The following TANC2 variants were observed in gnomAD, a reference collection of about 807,000 sequenced individuals.
TANC2 encodes tetratricopeptide repeat, ankyrin repeat and coiled-coil containing 2.
In TANC2, 26 loss-of-function variants were observed where a neutral mutation model predicts 210.5. That is an observed-to-expected ratio of 0.12 (90% CI 0.09 to 0.17). The LOEUF is 0.17. TANC2 is among the 10% of genes least tolerant of loss of function. The pLI is 1.00. For synonymous variants in TANC2, 931 were observed against 967.1 expected (o/e 0.96, Z 0.69); for missense variants, 2,129 against 2,608.9 (o/e 0.82, Z 4.01).
intron 8 of TANC2, among the ~76,000 whole-genome samples, chr17:63,238,359 A>G (rs1425877541): frequency 6.6e-6 from 1 of 152,208 alleles, no homozygotes; most frequent in African/African-American, 2.4e-5. Flanking sequence ...TCAAACAACT[A>G]AAAGTCTTTT....
intron 1 of TANC2, among the ~76,000 whole-genome samples, chr17:63,000,968 CA>C (rs3060700): frequency 0.063 from 7,731 of 121,846 alleles, 201 homozygotes; most frequent in Admixed American, 0.12. Context: ...TTAGAACTAG[CA>C]AAAAAAAAAA....
At chr17:63,065,175 A>AT (rs1412085111) in intron 2 of TANC2, among the ~76,000 whole-genome samples, 1 of 152,210 alleles carries the variant, frequency 6.6e-6, no homozygotes, top group Non-Finnish European at 1.5e-5. Flanking sequence ...CTTAGTTTAC[A>AT]TAGCATGATG....
chr17:63,413,032 A>G (rs2048751867), intron 24 of TANC2: 6 of 328,798 alleles, frequency 1.8e-5, no homozygotes, highest in Admixed American at 1.4e-4. Context: ...CTCCTGCTTC[A>G]AAGTGAATCC....
chr17:63,090,215 G>T (rs201915057), intron 3 of TANC2, among the ~76,000 whole-genome samples: 6 of 140,636 alleles, frequency 4.3e-5, no homozygotes, highest in South Asian at 2.2e-4. Context: ...TTTTTTTTGA[G>T]TTTTTTTTTT....
At chr17:63,207,028 A>G (rs1397345265) in intron 7 of TANC2, among the ~76,000 whole-genome samples, 1 of 151,956 alleles carries the variant, frequency 6.6e-6, no homozygotes, top group Admixed American at 6.6e-5. Context: ...CTTCTTCTGT[A>G]TCTCTTCCCA....
At chr17:63,313,740 C>G (rs1351273601) in intron 9 of TANC2, among the ~76,000 whole-genome samples, 1 of 152,066 alleles carries the variant, frequency 6.6e-6, no homozygotes, top group Non-Finnish European at 1.5e-5. Context: ...AATAATAATA[C>G]CTACTAGATT....
At chr17:63,191,938 G>A (rs1389602841) in intron 5 of TANC2, among the ~76,000 whole-genome samples, 1 of 152,158 alleles carries the variant, frequency 6.6e-6, no homozygotes, top group African/African-American at 2.4e-5. Context: ...TTCAGGAAGA[G>A]GAGACAGAGG....
At chr17:63,053,007 G>A (rs2035636930) in intron 2 of TANC2, among the ~76,000 whole-genome samples, 1 of 152,202 alleles carries the variant, frequency 6.6e-6, no homozygotes, top group South Asian at 2.1e-4. Flanking sequence ...TCGCAAGAGT[G>A]TGCTGACCTC....
rs550865270 is a variant in TANC2 at position 62,994,237 on chromosome 17, A to G, written c.-23-15300A>G. Among the ~76,000 whole-genome samples, 442 of 151,418 alleles carry G rather than the reference A, an allele frequency of 2.9e-3. 1 individual carries two copies. Among genetic ancestry groups the G allele is most frequent in the Non-Finnish European group, 5.0e-3 (339 of 67,876 alleles). On this transcript the variant is annotated intron_variant, in intron 1 of 27. Transcript: ENST00000689528. Reference sequence around the variant, plus strand: ...CACCCAGGCTGGAGTGCAGTGGCGCATTCTCAGCTCACTGCACCCTCTGCC... The same window carrying G: ...CACCCAGGCTGGAGTGCAGTGGCGCGTTCTCAGCTCACTGCACCCTCTGCC...
Position 63,166,311 on chromosome 17 carries a change from G to C in TANC2, c.433+14931G>C, listed in dbSNP as rs201018920. Among the ~76,000 whole-genome samples the C allele has an allele frequency of 1.9e-3, 211 of 110,190 alleles. No homozygotes were observed. The East Asian group carries it at 0.026, about 14-fold the overall frequency. The allele number at this position is 110,190 out of a possible 152,430, so 72.3% of individuals were successfully genotyped here. ...AAAAATTGTATTCCTAGATAGCACAGAGAGAGAGAGAGAGAGAGATAGAGA... is the reference window on the plus strand; with the variant it reads ...AAAAATTGTATTCCTAGATAGCACACAGAGAGAGAGAGAGAGAGATAGAGA... On this transcript the variant is annotated intron_variant, in intron 5 of 27. Coordinates refer to ENST00000689528, the Ensembl canonical transcript of TANC2.
intron 2 of TANC2, among the ~76,000 whole-genome samples, chr17:63,061,656 G>A (rs914194596): frequency 1.3e-5 from 2 of 151,836 alleles, no homozygotes; most frequent in South Asian, 2.1e-4. Flanking sequence ...ACATATACAT[G>A]CAGGGTTTTT....
chr17:63,256,289 C>T (rs185547255), intron 8 of TANC2, among the ~76,000 whole-genome samples: 1 of 152,228 alleles, frequency 6.6e-6, no homozygotes, highest in African/African-American at 2.4e-5. Context: ...GTGTTCCATA[C>T]TAGTTCTGTT....
chr17:63,032,459 C>T (rs916941493), intron 2 of TANC2, among the ~76,000 whole-genome samples: 2 of 152,034 alleles, frequency 1.3e-5, no homozygotes, highest in African/African-American at 4.8e-5. Context: ...GCGTATGTGA[C>T]TCTGAGTAGG....
At chr17:63,208,156 TC>T (rs1275099775) in intron 7 of TANC2, among the ~76,000 whole-genome samples, 2 of 152,188 alleles carry the variant, frequency 1.3e-5, no homozygotes, top group Non-Finnish European at 2.9e-5. Context: ...TTTTGTTTTT[TC>T]CTTTGTATTT....
At chr17:63,267,840 A>G in exon 9 of TANC2, 2 of 1,613,006 alleles carry the variant, frequency 1.2e-6, no homozygotes, top group South Asian at 1.1e-5. Flanking sequence ...AAGACAGAGC[A>G]TGGGTGGTGC....
intron 5 of TANC2, among the ~76,000 whole-genome samples, chr17:63,179,757 T>G (rs2040714522): frequency 6.6e-6 from 1 of 152,092 alleles, no homozygotes; most frequent in African/African-American, 2.4e-5. Flanking sequence ...CACCCTCCTC[T>G]AAGAATCCTG....
intron 8 of TANC2, among the ~76,000 whole-genome samples, chr17:63,263,492 A>G (rs1183228550): frequency 6.6e-6 from 1 of 152,230 alleles, no homozygotes; most frequent in African/African-American, 2.4e-5. Context: ...TTAAAGTACC[A>G]TAAAATGTGC....
At chr17:63,231,558 C>A (rs1224082517) in intron 7 of TANC2, among the ~76,000 whole-genome samples, 1 of 152,156 alleles carries the variant, frequency 6.6e-6, no homozygotes, top group East Asian at 1.9e-4. Flanking sequence ...ATTGGAAATT[C>A]TTTTCTTTAA....
chr17:63,309,868 T>C (rs16946864), intron 9 of TANC2, among the ~76,000 whole-genome samples: 1 of 152,126 alleles, frequency 6.6e-6, no homozygotes, highest in East Asian at 1.9e-4. Context: ...TGGAACAAAC[T>C]AGATAACTTA....
Sources: gnomAD v4.1 joint callset for allele counts (sites outside exome capture counted in the v4.1 genomes callset) on GRCh38, gnomAD v4.1.1 for gene constraint, MANE v1.5 for transcripts, NCBI Gene and HGNC (gene_info 2026-07-23, HGNC 2026-07-21) for gene names.